The following TTBK2 variants were observed in gnomAD, a reference collection of about 807,000 sequenced individuals.
TTBK2 encodes the protein tau tubulin kinase 2.
Under a neutral mutation model 110.8 loss-of-function variants are expected in TTBK2, and 28 were observed. That is an observed-to-expected ratio of 0.25 (90% CI 0.19 to 0.35). The LOEUF (loss-of-function observed/expected upper bound fraction) is 0.35. Among genes scored for constraint, TTBK2 ranks in the 10% least tolerant of loss-of-function variants. The probability of loss-of-function intolerance (pLI) is 1.00; values close to 1 mark genes in which losing one functional copy is unlikely to be tolerated. For missense variants in TTBK2, 1,369 were observed against 1,500.3 expected, an observed-to-expected ratio of 0.91 and a Z score of 1.45; for synonymous variants, 532 against 527.3, an observed-to-expected ratio of 1.01 and a Z score of -0.12.
intron 3 of TTBK2, among the ~76,000 whole-genome samples, chr15:42,846,780 T>C (rs1035298493): frequency 2.0e-5 from 3 of 152,150 alleles, no homozygotes; most frequent in Non-Finnish European, 4.4e-5. Flanking sequence ...AGGAGAGGAT[T>C]GGAACTTTCA....
intron 13 of TTBK2, among the ~76,000 whole-genome samples, chr15:42,764,401 C>T (rs572728187): frequency 8.5e-5 from 13 of 152,368 alleles, no homozygotes; most frequent in African/African-American, 3.1e-4. Flanking sequence ...ACACTCTCGC[C>T]CAAATACTGT....
chr15:42,875,212 T>A (rs12900749), intron 2 of TTBK2, among the ~76,000 whole-genome samples: 2 of 152,226 alleles, frequency 1.3e-5, no homozygotes, highest in East Asian at 3.9e-4. Context: ...ATTCCTATAA[T>A]GCCATTTAAA....
rs1220037893 is a variant in TTBK2 at position 42,763,131 on chromosome 15, CATATAT to C, written c.1999-9890_1999-9885del. On this transcript the variant is annotated intron_variant, in intron 13 of 14. Coordinates refer to ENST00000267890, the MANE Select transcript of TTBK2 (RefSeq NM_173500.4). ...ATATATATATATACACATATATATA[CATATAT>C]ACATACATATATATATATACATATA... is the stretch of plus-strand genomic sequence containing the variant. Among the ~76,000 whole-genome samples the C allele has an allele frequency of 7.9e-4, 47 of 59,844 alleles. 1 individual carries two copies. The highest frequency in any genetic ancestry group is 3.9e-3 in the African/African-American group (46 of 11,818). The allele number at this position is 59,844 out of a possible 152,430, so 39.3% of individuals were successfully genotyped here.
rs1434896558 is a variant in TTBK2 at position 42,775,393 on chromosome 15, A to G, written c.1740T>C (p.Asp580=). 1 of 1,614,228 alleles carries G rather than the reference A, an allele frequency of 6.2e-7. No individual in the cohort carries two copies. ...VGHKTTGSPS[D]EEPEVLQVLE... ...GGACTTGAAGTACTTCAGGCTCCTC[A>G]TCAGAAGGACTTCCAGTTGTTTTAT... Residue 580 remains aspartate (D), a synonymous_variant, in exon 13 of 15, where the codon GAT becomes GAC. Coordinates refer to ENST00000267890, the MANE Select transcript of TTBK2 (RefSeq NM_173500.4).
chr15:42,851,999 G>A (rs1893736464), intron 3 of TTBK2, among the ~76,000 whole-genome samples: 2 of 151,904 alleles, frequency 1.3e-5, no homozygotes, highest in Non-Finnish European at 1.5e-5. Context: ...CTAACATTCA[G>A]TAGCACTGTT....
intron 13 of TTBK2, among the ~76,000 whole-genome samples, chr15:42,771,475 G>C (rs1407941420): frequency 6.6e-6 from 1 of 152,150 alleles, no homozygotes; most frequent in Non-Finnish European, 1.5e-5. Context: ...TTGCCAACCT[G>C]ACAGGTTGGT....
At chr15:42,825,747 T>C (rs1269530515) in intron 6 of TTBK2, among the ~76,000 whole-genome samples, 1 of 152,096 alleles carries the variant, frequency 6.6e-6, no homozygotes, top group Admixed American at 6.6e-5. Flanking sequence ...TAAAATTCAG[T>C]TCCTCATTTG....
At chr15:42,857,756 TA>T (rs1894001050) in intron 3 of TTBK2, among the ~76,000 whole-genome samples, 1 of 151,980 alleles carries the variant, frequency 6.6e-6, no homozygotes, top group Non-Finnish European at 1.5e-5. Context: ...TGGCAATGGA[TA>T]AGTGGCAAAA....
intron 13 of TTBK2, among the ~76,000 whole-genome samples, chr15:42,760,983 GAC>G (rs2062017487): frequency 6.6e-6 from 1 of 152,140 alleles, no homozygotes; most frequent in Admixed American, 6.5e-5. Context: ...CATAAAAACA[GAC>G]ACATAGACCA....
At chr15:42,868,484 T>C (rs1349709507) in intron 3 of TTBK2, among the ~76,000 whole-genome samples, 1 of 152,152 alleles carries the variant, frequency 6.6e-6, no homozygotes, top group African/African-American at 2.4e-5. Context: ...TATACTTTCC[T>C]CTCAATTTTG....
intron 4 of TTBK2, among the ~76,000 whole-genome samples, chr15:42,836,169 G>A (rs536639501): frequency 5.3e-5 from 8 of 152,162 alleles, no homozygotes; most frequent in African/African-American, 1.7e-4. Context: ...AAAAAAATGT[G>A]TACAACTGCT....
intron 3 of TTBK2, among the ~76,000 whole-genome samples, chr15:42,851,625 C>T (rs1421506877): frequency 6.6e-6 from 1 of 151,856 alleles, no homozygotes; most frequent in Admixed American, 6.6e-5. Flanking sequence ...TTTATATATA[C>T]ATACATATAT....
chr15:42,824,067 T>C (rs2140969353), intron 6 of TTBK2, among the ~76,000 whole-genome samples: 1 of 152,232 alleles, frequency 6.6e-6, no homozygotes, highest in Non-Finnish European at 1.5e-5. Context: ...TGCCAGGCTC[T>C]TTTTAACAAT....
In TTBK2 at chr15:42,834,196, A is replaced by AGGGG. The variant is rs144301772; in HGVS notation, c.292-4122_292-4119dup. The stretch of plus-strand genomic sequence containing the variant: ...AAGACCCCATCTCAAAAAAAAAAAA[A>AGGGG]GGGGGGGGGTGTATAAAAGGAAAGA... On this transcript the variant is annotated intron_variant, in intron 4 of 14. Transcript: ENST00000267890. Among the ~76,000 whole-genome samples, 41 of 124,302 alleles carry AGGGG rather than the reference A, an allele frequency of 3.3e-4. 3 individuals carry two copies. Among genetic ancestry groups the AGGGG allele is most frequent in the African/African-American group, 1.2e-3 (35 of 29,764 alleles). 81.5% of individuals were successfully genotyped at this position (124,302 alleles called of 152,430 possible).
At chr15:42,747,666 C>T (rs1156672460) in intron 14 of TTBK2, among the ~76,000 whole-genome samples, 3 of 152,150 alleles carry the variant, frequency 2.0e-5, no homozygotes, top group African/African-American at 7.2e-5. Flanking sequence ...GCCGTGCAGC[C>T]CTGGGGTGGG....
chr15:42,918,421 C>G lies in TTBK2; in HGVS notation c.-68+2017G>C, dbSNP rs144782113. On this transcript the variant is annotated intron_variant, in intron 1 of 14. Coordinates refer to ENST00000267890, the MANE Select transcript of TTBK2 (RefSeq NM_173500.4). ...TCTCAGGATTCGAATCTGAAAGTGT[C>G]TTAGGTAGGTGGTTCTGGCTCAGAG... Among the ~76,000 whole-genome samples, 199 of 152,024 alleles carry G rather than the reference C, an allele frequency of 1.3e-3. 1 individual carries two copies. Among genetic ancestry groups the G allele is most frequent in the African/African-American group, 4.7e-3 (196 of 41,456 alleles).
intron 13 of TTBK2, among the ~76,000 whole-genome samples, chr15:42,757,088 G>A (rs950996677): frequency 6.6e-6 from 1 of 151,558 alleles, no homozygotes; most frequent in African/African-American, 2.4e-5. Context: ...TTTTAATCAG[G>A]TACTATTATC....
intron 3 of TTBK2, among the ~76,000 whole-genome samples, chr15:42,866,355 C>T (rs1203173913): frequency 2.0e-5 from 3 of 152,068 alleles, no homozygotes; most frequent in Admixed American, 6.6e-5. Context: ...AGGCCATATA[C>T]TATGTGTCTC....
At chr15:42,883,840 A>G (rs1236855722) in intron 1 of TTBK2, among the ~76,000 whole-genome samples, 2 of 152,148 alleles carry the variant, frequency 1.3e-5, no homozygotes, top group Admixed American at 6.5e-5. Context: ...TTCAAAAATA[A>G]TATGTAGGTT....
Sources: allele counts gnomAD v4.1 joint callset (sites outside exome capture counted in the v4.1 genomes callset), GRCh38; gene constraint gnomAD v4.1.1; transcripts MANE v1.5; gene names NCBI Gene and HGNC (gene_info 2026-07-23, HGNC 2026-07-21).